Variants in MRC1 observed in about 807,000 individuals in gnomAD.
MRC1 encodes the protein mannose receptor C-type 1, also known as macrophage mannose receptor 1.
In MRC1, 62 loss-of-function variants were observed where a neutral mutation model predicts 102.9. The observed-to-expected ratio is 0.60, with a 90% CI of 0.49 to 0.74. The LOEUF (loss-of-function observed/expected upper bound fraction) is 0.74. MRC1 is among the 30% of genes least tolerant of loss of function. The pLI is 0.00. For missense variants in MRC1, 1,237 were observed against 862.8 expected (o/e 1.43, Z -5.43); for synonymous variants, 457 against 298.4 (o/e 1.53, Z -5.48).
chr10:17,809,460 T>C lies in MRC1; in HGVS notation c.-6T>C. 1 of 872,754 alleles carries C rather than the reference T, an allele frequency of 1.1e-6. No homozygotes were observed. Among genetic ancestry groups the C allele is most frequent in the Non-Finnish European group, 2.0e-6 (1 of 501,508 alleles). The allele number at this position is 872,754 out of a possible 1,614,324, so 54.1% of individuals were successfully genotyped here. A position where few individuals can be genotyped will look rare whatever the true frequency, so the allele number is the denominator to read the frequency against. ...ATCAGGAGAAGGAAAGGATAAACCC[T>C]GGGCCATGAGGCTACCCCTGCTCCT... On this transcript the variant is annotated 5_prime_UTR_variant, in exon 1 of 30. Transcript: ENST00000569591.
intron 22 of MRC1, among the ~76,000 whole-genome samples, chr10:17,885,738 T>TC (rs1477739759): frequency 6.6e-6 from 1 of 152,038 alleles, no homozygotes; most frequent in African/African-American, 2.4e-5. Context: ...TGTATCACCT[T>TC]CCCCTTATTC....
chr10:17,813,605 T>C (rs35993731), intron 1 of MRC1, among the ~76,000 whole-genome samples: 17,543 of 149,314 alleles, frequency 0.12, 1,107 homozygotes, highest in Middle Eastern at 0.21. Flanking sequence ...AGCTAACTTT[T>C]ATGCTTTGGA....
intron 6 of MRC1, among the ~76,000 whole-genome samples, chr10:17,845,718 G>GAAAA (rs1838816924): frequency 6.6e-6 from 1 of 152,010 alleles, no homozygotes; most frequent in Admixed American, 6.6e-5. Flanking sequence ...TATAGTTGAG[G>GAAAA]AAAAAGATAT....
At chr10:17,885,823 CATCATGATCATGATCATGATCATG>C (rs782722089) in intron 22 of MRC1, among the ~76,000 whole-genome samples, 21,872 of 150,866 alleles carry the variant, frequency 0.14, 2,130 homozygotes, top group Non-Finnish European at 0.22. Flanking sequence ...GATCATCATC[CATCATGATCATGATCATGATCATG>C]ATCATGATCA....
chr10:17,851,339 T>TC (rs1838913501), intron 7 of MRC1, among the ~76,000 whole-genome samples: 1 of 152,100 alleles, frequency 6.6e-6, no homozygotes, highest in Non-Finnish European at 1.5e-5. Context: ...AAAAGTAAAG[T>TC]TGTAAAGTTA....
At chr10:17,875,725 C>G (rs1233724972) in intron 17 of MRC1, among the ~76,000 whole-genome samples, 1 of 152,230 alleles carries the variant, frequency 6.6e-6, no homozygotes, top group Non-Finnish European at 1.5e-5. Flanking sequence ...AATATTATAA[C>G]GTGTGTGCAA....
intron 21 of MRC1, among the ~76,000 whole-genome samples, chr10:17,882,407 G>C (rs1246024212): frequency 3.3e-5 from 5 of 151,782 alleles, no homozygotes; most frequent in African/African-American, 1.2e-4. Context: ...ATGTTGGCTG[G>C]TATGTAGTAT....
chr10:17,824,625 G>A (rs1338940176), intron 2 of MRC1, among the ~76,000 whole-genome samples: 4 of 151,960 alleles, frequency 2.6e-5, no homozygotes, highest in Non-Finnish European at 5.9e-5. Flanking sequence ...GATATGAGGG[G>A]CAAGCTAAGT....
rs962866372 is a variant in MRC1, at chr10:17,901,574, A to G, written c.3650-399A>G. ...TCTGGTGGCAGGCACCTGTAATCCCAGCTACTCGGGAGGCTGAGGCAGGAG... is the reference window on the plus strand; with the variant it reads ...TCTGGTGGCAGGCACCTGTAATCCCGGCTACTCGGGAGGCTGAGGCAGGAG... On this transcript the variant is annotated intron_variant, in intron 25 of 29. Transcript: ENST00000569591. Among the ~76,000 whole-genome samples the G allele has an allele frequency of 6.6e-5, 10 of 152,104 alleles. No homozygotes were observed. The South Asian group carries it at 1.0e-3, about 16-fold the overall frequency.
chr10:17,887,680 C>T (rs1833618929), intron 22 of MRC1, among the ~76,000 whole-genome samples: 1 of 152,076 alleles, frequency 6.6e-6, no homozygotes, highest in Non-Finnish European at 1.5e-5. Context: ...GTAATCTCAC[C>T]AATTCAGAAA....
intron 4 of MRC1, among the ~76,000 whole-genome samples, chr10:17,839,445 C>T (rs1304116515): frequency 1.4e-5 from 2 of 147,924 alleles, no homozygotes; most frequent in African/African-American, 5.0e-5. Context: ...TACGTCTGTG[C>T]AAGTAGAAAG....
At chr10:17,909,735 TA>T (rs1202312842) in intron 29 of MRC1, among the ~76,000 whole-genome samples, 2 of 150,958 alleles carry the variant, frequency 1.3e-5, no homozygotes, top group Non-Finnish European at 3.0e-5. Flanking sequence ...GTTGGCTGCT[TA>T]AAAAAAAACT....
chr10:17,882,018 A>G (rs1833527839), intron 21 of MRC1, among the ~76,000 whole-genome samples: 1 of 151,896 alleles, frequency 6.6e-6, no homozygotes, highest in African/African-American at 2.4e-5. Flanking sequence ...GAAGGAGGAT[A>G]TTCACCATAT....
At chr10:17,841,898 C>A (rs1403197075) in intron 5 of MRC1, among the ~76,000 whole-genome samples, 2 of 152,148 alleles carry the variant, frequency 1.3e-5, no homozygotes, top group Non-Finnish European at 2.9e-5. Context: ...TCAGACTTCT[C>A]TTTTAAAGCC....
At chr10:17,820,461 C>A (rs1235423692) in intron 1 of MRC1, among the ~76,000 whole-genome samples, 1 of 152,090 alleles carries the variant, frequency 6.6e-6, no homozygotes, top group Non-Finnish European at 1.5e-5. Context: ...AGTATAAAAA[C>A]ATCTGAAGGA....
chr10:17,822,144 C>A (rs1478389223), intron 1 of MRC1, among the ~76,000 whole-genome samples: 1 of 152,092 alleles, frequency 6.6e-6, no homozygotes, highest in Non-Finnish European at 1.5e-5. Flanking sequence ...ATAAGCCATC[C>A]TTACATATTT....
At chr10:17,877,753 C>T in intron 17 of MRC1, 147 bp from the exon 18 acceptor site, 1 of 702,258 alleles carries the variant, frequency 1.4e-6, no homozygotes, top group East Asian at 2.6e-5. Flanking sequence ...CTAGGAAGAA[C>T]ATAATATAGA....
chr10:17,815,996 GTA>G (rs1838305296), intron 1 of MRC1, among the ~76,000 whole-genome samples: 1 of 151,986 alleles, frequency 6.6e-6, no homozygotes, highest in African/African-American at 2.4e-5. Flanking sequence ...GCTAATTTTT[GTA>G]TTTTTAGTAG....
intron 12 of MRC1, 148 bp from the exon 13 acceptor site, chr10:17,870,098 A>T: frequency 1.5e-6 from 1 of 655,724 alleles, no homozygotes; most frequent in Non-Finnish European, 2.8e-6. Context: ...TCATAAACTG[A>T]TTTTAAAGCA....
Sources: gnomAD v4.1 joint callset for allele counts (sites outside exome capture counted in the v4.1 genomes callset) on GRCh38, gnomAD v4.1.1 for gene constraint, MANE v1.5 for transcripts, NCBI Gene and HGNC (gene_info 2026-07-23, HGNC 2026-07-21) for gene names.